The following TLN2 variants were observed in gnomAD, a reference collection of about 807,000 sequenced individuals.
TLN2 encodes the protein talin-2.
Under a neutral mutation model 294.7 loss-of-function variants are expected in TLN2, and 118 were observed. That is an observed-to-expected ratio of 0.40 (90% CI 0.34 to 0.47). The LOEUF (loss-of-function observed/expected upper bound fraction) is 0.47, where lower values mean the gene tolerates loss of function less well. Among genes scored for constraint, TLN2 ranks in the 20% least tolerant of loss-of-function variants. TLN2 has a pLI of 0.84. For missense variants in TLN2, 3,083 were observed against 3,282.2 expected (o/e 0.94, Z 1.48); for synonymous variants, 1,431 against 1,304.5 (o/e 1.10, Z -2.09).
intron 27 of TLN2, among the ~76,000 whole-genome samples, chr15:62,726,466 T>C (rs1297631221): frequency 6.6e-6 from 1 of 152,202 alleles, no homozygotes; most frequent in Non-Finnish European, 1.5e-5. Flanking sequence ...GAATTTTTTA[T>C]TCAGTTTACA....
intron 9 of TLN2, among the ~76,000 whole-genome samples, chr15:62,673,090 G>GTGTGTGTA (rs1469445677): frequency 1.3e-5 from 2 of 151,586 alleles, no homozygotes; most frequent in Non-Finnish European, 2.9e-5. Flanking sequence ...GTGTGTGTGT[G>GTGTGTGTA]TGTGTGTGTC....
intron 1 of TLN2, among the ~76,000 whole-genome samples, chr15:62,548,970 C>A (rs2042140254): frequency 6.6e-6 from 1 of 152,112 alleles, no homozygotes; most frequent in Non-Finnish European, 1.5e-5. Flanking sequence ...CTGTCTTGGT[C>A]CTTGATAGGA....
chr15:62,473,384 C>T (rs953503115), intron 1 of TLN2, among the ~76,000 whole-genome samples: 1 of 151,450 alleles, frequency 6.6e-6, no homozygotes, highest in Non-Finnish European at 1.5e-5. Flanking sequence ...CATATACATA[C>T]AGAAGAGTAT....
At chr15:62,824,916 A>C (rs1350915410) in intron 54 of TLN2, among the ~76,000 whole-genome samples, 1 of 152,222 alleles carries the variant, frequency 6.6e-6, no homozygotes, top group African/African-American at 2.4e-5. Context: ...GTTTTGGAGG[A>C]GAAAAGGTGT....
At chr15:62,685,577 C>T (rs1044450352) in intron 11 of TLN2, among the ~76,000 whole-genome samples, 1 of 152,178 alleles carries the variant, frequency 6.6e-6, no homozygotes, top group Admixed American at 6.5e-5. Context: ...GAAGGCTTTG[C>T]TATCTTAAGC....
Position 62,647,287 on chromosome 15 carries a change from A to G in TLN2, c.-24A>G. 1.2e-6 allele frequency: 2 copies of G among 1,612,624 alleles called. No individual in the cohort carries two copies. The highest frequency in any genetic ancestry group is 1.7e-6 in the Non-Finnish European group (2 of 1,179,086). On this transcript the variant is annotated 5_prime_UTR_variant, in exon 4 of 59. It removes the in-frame stop codon of an upstream open reading frame in the 5' UTR. Transcript: ENST00000636159. ...TTGTGTTTTCCAGACATTCTAAGTGAGACTGTCCACATCATCTAGGAAAAT... is the reference window on the plus strand; with the variant it reads ...TTGTGTTTTCCAGACATTCTAAGTGGGACTGTCCACATCATCTAGGAAAAT...
chr15:62,832,417 G>C lies in TLN2; in HGVS notation c.7003-1087G>C, dbSNP rs374879423. ...TTAACCAAATTGACCTAGAGTCACGGAATGTTGTCACACAGGTCTAATCTG... is the reference window on the plus strand; with the variant it reads ...TTAACCAAATTGACCTAGAGTCACGCAATGTTGTCACACAGGTCTAATCTG... On this transcript the variant is annotated intron_variant, in intron 54 of 58. Coordinates refer to ENST00000636159, the MANE Select transcript of TLN2 (RefSeq NM_015059.3). 10 of 146,772 alleles carry C rather than the reference G, an allele frequency of 6.8e-5. No individual in the cohort carries two copies. The East Asian group carries it at 1.4e-3, about 21-fold the overall frequency. The allele number at this position is 146,772 out of a possible 1,614,324, so 9.1% of individuals were successfully genotyped here.
At chr15:62,769,834 A>G (rs988930011) in intron 41 of TLN2, among the ~76,000 whole-genome samples, 2 of 152,232 alleles carry the variant, frequency 1.3e-5, no homozygotes, top group Non-Finnish European at 2.9e-5. Flanking sequence ...GCCATTAGTC[A>G]TTACCGCACA....
chr15:62,755,475 G>A, intron 36 of TLN2, 57 bp from the exon 37 acceptor site: 2 of 1,576,434 alleles, frequency 1.3e-6, no homozygotes, highest in South Asian at 2.4e-5. Flanking sequence ...GAGGACCGGG[G>A]TGGACCCCTC....
At chr15:62,770,496 T>G (rs2063288316) in intron 41 of TLN2, among the ~76,000 whole-genome samples, 1 of 152,224 alleles carries the variant, frequency 6.6e-6, no homozygotes, top group African/African-American at 2.4e-5. Flanking sequence ...AAATCAAGGC[T>G]TGGTCAAAAT....
At chr15:62,588,633 A>T (rs2045823859) in intron 1 of TLN2, among the ~76,000 whole-genome samples, 1 of 141,030 alleles carries the variant, frequency 7.1e-6, no homozygotes, top group Non-Finnish European at 1.5e-5. Flanking sequence ...ACTCCATCTT[A>T]AAAAAAAATA....
At chr15:62,744,324 T>G (rs1359386861) in intron 32 of TLN2, among the ~76,000 whole-genome samples, 2 of 152,108 alleles carry the variant, frequency 1.3e-5, no homozygotes, top group African/African-American at 4.8e-5. Context: ...CCTTGTCTTC[T>G]CATTGTCTTG....
intron 1 of TLN2, among the ~76,000 whole-genome samples, chr15:62,499,105 A>G (rs1050621718): frequency 3.3e-5 from 5 of 151,928 alleles, no homozygotes; most frequent in African/African-American, 1.2e-4. Context: ...TTTCTAGGCC[A>G]TGTTTATATT....
At chr15:62,802,474 G>A (rs2065998956) in intron 50 of TLN2, among the ~76,000 whole-genome samples, 1 of 151,982 alleles carries the variant, frequency 6.6e-6, no homozygotes, top group South Asian at 2.1e-4. Flanking sequence ...GCACTCCCAT[G>A]TTTATTGCAG....
Position 62,809,798 on chromosome 15 carries a change from C to T in TLN2, c.6664-127C>T, listed in dbSNP as rs996033156. ...AGGAGGACGTAGAGGAGAGATACCT[C>T]TTCTGTCCAGGGAGTCAGGGCAGTT... On this transcript the variant is annotated intron_variant, in intron 51 of 58. Coordinates refer to ENST00000636159, the MANE Select transcript of TLN2 (RefSeq NM_015059.3). The T allele has an allele frequency of 6.9e-5, 55 of 791,660 alleles. 1 individual carries two copies. In the African/African-American group the frequency reaches 8.4e-4, roughly 12 times the overall value. The allele number at this position is 791,660 out of a possible 1,614,324, so 49.0% of individuals were successfully genotyped here. A position where few individuals can be genotyped will look rare whatever the true frequency, so the allele number is the denominator to read the frequency against.
At chr15:62,695,135 A>G (rs2058234919) in intron 14 of TLN2, among the ~76,000 whole-genome samples, 1 of 152,198 alleles carries the variant, frequency 6.6e-6, no homozygotes. Flanking sequence ...AGATAGGTTT[A>G]TTAAAATTAA....
At chr15:62,784,625 T>TA (rs1432545069) in intron 45 of TLN2, 2 of 152,268 alleles carry the variant, frequency 1.3e-5, no homozygotes, top group African/African-American at 4.8e-5. Context: ...TTGTAGCATC[T>TA]ATATCAGTGT....
chr15:62,753,863 G>A lies in TLN2; in HGVS notation c.4423G>A (p.Ala1475Thr). 1 of 1,611,412 alleles carries A rather than the reference G, an allele frequency of 6.2e-7. No homozygotes were observed. Among genetic ancestry groups the A allele is most frequent in the Non-Finnish European group, 8.5e-7 (1 of 1,178,908 alleles). Residue 1475 changes from alanine (A) to threonine (T), a missense_variant, in exon 36 of 59, where the codon GCC becomes ACC. By Grantham distance (58) the Ala-to-Thr change is moderately conservative (BLOSUM62 0). Transcript: ENST00000636159. ...CATCCAGTTTGCCAGGGCTAACCAG[G>A]CCATCCAGATGGCATGCCAGAACTT... Reference protein sequence around the residue: ...DPIQFARANQAIQMACQNLVD... With the variant: ...DPIQFARANQTIQMACQNLVD...
intron 1 of TLN2, among the ~76,000 whole-genome samples, chr15:62,404,551 C>T (rs1247703327): frequency 3.9e-5 from 6 of 152,152 alleles, no homozygotes; most frequent in South Asian, 2.1e-4. Flanking sequence ...AAAGCATTCT[C>T]GTCCTGTGTT....
Sources: allele counts gnomAD v4.1 joint callset (sites outside exome capture counted in the v4.1 genomes callset), GRCh38; gene constraint gnomAD v4.1.1; transcripts MANE v1.5; gene names NCBI Gene and HGNC (gene_info 2026-07-23, HGNC 2026-07-21).